Variants in KCNU1 observed in about 807,000 individuals in gnomAD.
KCNU1 encodes the protein potassium channel subfamily U member 1.
A neutral mutation model predicts 126.8 loss-of-function variants in KCNU1; 93 were observed. The observed-to-expected ratio is 0.73, with a 90% confidence interval of 0.62 to 0.87. The LOEUF (loss-of-function observed/expected upper bound fraction) is 0.87, where lower values mean the gene tolerates loss of function less well. Among genes scored for constraint, KCNU1 ranks in the 40% least tolerant of loss-of-function variants. The pLI is 0.00. For synonymous variants in KCNU1, 523 were observed against 494.2 expected (o/e 1.06, Z -0.77); for missense variants, 1,330 against 1,367.1 (o/e 0.97, Z 0.43).
intron 18 of KCNU1, among the ~76,000 whole-genome samples, chr8:36,856,432 G>A (rs568977239): frequency 6.6e-6 from 1 of 152,326 alleles, no homozygotes; most frequent in South Asian, 2.1e-4. Context: ...AAGGCTTGTT[G>A]TTGTCACTGG....
At chr8:36,862,298 T>C (rs1805760871) in intron 18 of KCNU1, among the ~76,000 whole-genome samples, 1 of 152,166 alleles carries the variant, frequency 6.6e-6, no homozygotes, top group African/African-American at 2.4e-5. Flanking sequence ...AGGGACTTTG[T>C]CTTATTTTTT....
intron 2 of KCNU1, among the ~76,000 whole-genome samples, chr8:36,800,767 G>C (rs771011959): frequency 6.6e-6 from 1 of 152,242 alleles, no homozygotes; most frequent in African/African-American, 2.4e-5. Flanking sequence ...CCTGGCATCA[G>C]AAAGTAGTCA....
At chr8:36,911,999 T>C (rs961821038) in intron 22 of KCNU1, among the ~76,000 whole-genome samples, 2 of 152,164 alleles carry the variant, frequency 1.3e-5, no homozygotes, top group Admixed American at 6.5e-5. Context: ...ATTTTCTGTA[T>C]CTAAAACAGA....
chr8:36,833,798 C>T, intron 11 of KCNU1, 139 bp downstream of exon 11: 3 of 555,312 alleles, frequency 5.4e-6, no homozygotes. Context: ...ACTTTAAAAA[C>T]AATTGTAAAG....
At chr8:36,810,113 G>T (rs144050455) in intron 7 of KCNU1, among the ~76,000 whole-genome samples, 6 of 152,204 alleles carry the variant, frequency 3.9e-5, no homozygotes, top group South Asian at 2.1e-4. Flanking sequence ...TTAGCCAGAC[G>T]TGGTGGCATG....
At position 36,886,980 on chromosome 8, in the gene KCNU1, GT is replaced by G. The variant is rs566168955; in HGVS notation, c.2010-18720del. On this transcript the variant is annotated intron_variant, in intron 19 of 26. Transcript: ENST00000399881. ...AAGTTGTGACAAAATACATTATTTT[GT>G]TTTTTTTATGGCTGTGTAGTATTCC... Among the ~76,000 whole-genome samples, 585 of 151,686 alleles carry G rather than the reference GT, an allele frequency of 3.9e-3. 7 individuals are homozygous for G. The highest frequency in any genetic ancestry group is 0.014 in the African/African-American group (564 of 41,384).
intron 2 of KCNU1, among the ~76,000 whole-genome samples, chr8:36,800,247 T>A (rs1442765515): frequency 6.6e-6 from 1 of 152,198 alleles, no homozygotes; most frequent in Non-Finnish European, 1.5e-5. Flanking sequence ...AGAGTACTCC[T>A]GGTGCCCCTT....
rs144424483 is a variant in KCNU1 at position 36,854,994 on chromosome 8, T to C, written c.1891+9095T>C. Among the ~76,000 whole-genome samples, 828 of 152,224 alleles carry C rather than the reference T, an allele frequency of 5.4e-3. 2 individuals are homozygous for C. The highest frequency in any genetic ancestry group is 7.7e-3 in the Non-Finnish European group (522 of 68,002). On this transcript the variant is annotated intron_variant, in intron 18 of 26. Coordinates refer to ENST00000399881, the MANE Select transcript of KCNU1 (RefSeq NM_001031836.3). ...CTGGAACCAAGAAGTTTCTCAGTCT[T>C]TGTCAAAGGATTCTGTGTTTGTGTT...
intron 20 of KCNU1, among the ~76,000 whole-genome samples, chr8:36,908,643 T>TC: frequency 6.6e-6 from 1 of 150,862 alleles, no homozygotes; most frequent in East Asian, 2.0e-4. Context: ...ATGAGAACAC[T>TC]TGGACACAGG....
chr8:36,813,741 G>A (rs1367710293), intron 7 of KCNU1, among the ~76,000 whole-genome samples: 2 of 151,860 alleles, frequency 1.3e-5, no homozygotes, highest in Non-Finnish European at 2.9e-5. Context: ...TTGTTTTTCT[G>A]TAGACACTAG....
At chr8:36,902,825 C>T (rs1037027638) in intron 19 of KCNU1, among the ~76,000 whole-genome samples, 4 of 151,988 alleles carry the variant, frequency 2.6e-5, no homozygotes, top group Non-Finnish European at 5.9e-5. Context: ...TTAAGAGAGC[C>T]GGTGGGGCTT....
intron 2 of KCNU1, among the ~76,000 whole-genome samples, chr8:36,799,497 A>C (rs1803226584): frequency 6.6e-6 from 1 of 150,942 alleles, no homozygotes; most frequent in African/African-American, 2.4e-5. Context: ...ATCCTTTTAG[A>C]ATGCCCATTA....
chr8:36,834,762 C>T (rs765550011), intron 11 of KCNU1, 24 bp from the exon 12 acceptor site: 2 of 1,511,118 alleles, frequency 1.3e-6, no homozygotes. Flanking sequence ...AACAAGATGG[C>T]TCCTGTCCGA....
chr8:36,847,211 AT>A (rs557847602), intron 18 of KCNU1, among the ~76,000 whole-genome samples: 127 of 151,786 alleles, frequency 8.4e-4, no homozygotes, highest in Non-Finnish European at 1.5e-3. Context: ...TCCTTTTTAA[AT>A]TTTTTTTCTG....
In KCNU1 at chr8:36,860,856, T is replaced by C. The variant is rs1351509822; in HGVS notation, c.1892-3548T>C. Among the ~76,000 whole-genome samples, 13 of 150,916 alleles carry C rather than the reference T, an allele frequency of 8.6e-5. 1 individual carries two copies. Among genetic ancestry groups the C allele is most frequent in the African/African-American group, 3.2e-4 (13 of 41,138 alleles). ...GACAAGAAATGAGTTGAGTAGGTGG[T>C]CCAAATATGGATTTATTTTACTTTA... On this transcript the variant is annotated intron_variant, in intron 18 of 26. Coordinates refer to ENST00000399881, the MANE Select transcript of KCNU1 (RefSeq NM_001031836.3).
chr8:36,919,244 C>T (rs1372417375), intron 23 of KCNU1, among the ~76,000 whole-genome samples: 1 of 152,044 alleles, frequency 6.6e-6, no homozygotes, highest in Non-Finnish European at 1.5e-5. Flanking sequence ...CATCACAGGA[C>T]TTCGGGTCAG....
intron 25 of KCNU1, among the ~76,000 whole-genome samples, chr8:36,931,731 T>G (rs922383479): frequency 6.6e-6 from 1 of 152,096 alleles, no homozygotes. Flanking sequence ...AGAAATCTGA[T>G]AAGGTCAGCT....
At chr8:36,932,080 A>G (rs896672010) in intron 25 of KCNU1, among the ~76,000 whole-genome samples, 4 of 152,098 alleles carry the variant, frequency 2.6e-5, no homozygotes, top group African/African-American at 9.7e-5. Flanking sequence ...CCCAGGTAGA[A>G]CAGTATACCT....
At chr8:36,888,778 C>T (rs371209550) in intron 19 of KCNU1, 53 of 531,834 alleles carry the variant, frequency 1.0e-4, no homozygotes, top group Non-Finnish European at 1.4e-4. Context: ...AATCAATCAA[C>T]GAAAAACTTG....
Sources: gnomAD v4.1 joint callset for allele counts (sites outside exome capture counted in the v4.1 genomes callset) on GRCh38, gnomAD v4.1.1 for gene constraint, MANE v1.5 for transcripts, NCBI Gene and HGNC (gene_info 2026-07-23, HGNC 2026-07-21) for gene names.